TJP1: variants seen among roughly 807,000 people sequenced by gnomAD.
TJP1 encodes tight junction protein ZO-1.
A neutral mutation model predicts 194.2 loss-of-function variants in TJP1; 43 were observed. That is an observed-to-expected ratio of 0.22 (90% CI 0.17 to 0.29). TJP1 has a LOEUF of 0.29. TJP1 is among the 10% of genes least tolerant of loss of function. The pLI is 1.00. For missense variants in TJP1, 1,971 were observed against 2,185.7 expected, an observed-to-expected ratio of 0.90 and a Z score of 1.96; for synonymous variants, 801 against 779.0, an observed-to-expected ratio of 1.03 and a Z score of -0.47.
At chr15:29,945,955 C>A (rs12899678) in intron 2 of TJP1, among the ~76,000 whole-genome samples, 30,285 of 152,086 alleles carry the variant, frequency 0.2, 3,550 homozygotes, top group East Asian at 0.49. Flanking sequence ...CCCTACATCA[C>A]GGTTTCTAAA....
chr15:29,716,130 G>C (rs550866191), intron 23 of TJP1, among the ~76,000 whole-genome samples: 1 of 152,284 alleles, frequency 6.6e-6, no homozygotes, highest in East Asian at 1.9e-4. Context: ...GAAACTTGGG[G>C]TTCAGTCCCA....
chr15:29,939,476 T>G (rs2054994150), intron 2 of TJP1, among the ~76,000 whole-genome samples: 1 of 152,080 alleles, frequency 6.6e-6, no homozygotes, highest in Admixed American at 6.5e-5. Flanking sequence ...TACACCTGAT[T>G]TACCATTAGC....
chr15:29,928,757 C>T (rs1267886257), intron 2 of TJP1, among the ~76,000 whole-genome samples: 1 of 152,110 alleles, frequency 6.6e-6, no homozygotes, highest in Admixed American at 6.5e-5. Flanking sequence ...TCCTGGCTAA[C>T]ACGGTGAAAC....
At chr15:29,704,019 T>C (rs1422588355) in intron 27 of TJP1, 143 bp downstream of exon 27, 5 of 796,704 alleles carry the variant, frequency 6.3e-6, no homozygotes, top group Non-Finnish European at 9.4e-6. Flanking sequence ...CACAAATAAA[T>C]GTGAAAACAC....
At chr15:29,961,334 C>CCTTT (rs1341526883) in intron 1 of TJP1, among the ~76,000 whole-genome samples, 7 of 89,838 alleles carry the variant, frequency 7.8e-5, no homozygotes, top group African/African-American at 2.3e-4. Flanking sequence ...TTTCCTAATT[C>CCTTT]TTTTTTTTTT....
intron 2 of TJP1, among the ~76,000 whole-genome samples, chr15:29,884,547 C>T (rs2053049633): frequency 6.6e-6 from 1 of 152,122 alleles, no homozygotes; most frequent in Non-Finnish European, 1.5e-5. Flanking sequence ...GTAAAAATAC[C>T]ACACTGCTCT....
intron 2 of TJP1, among the ~76,000 whole-genome samples, chr15:29,889,183 G>A (rs1218815289): frequency 1.3e-5 from 2 of 152,136 alleles, no homozygotes; most frequent in Admixed American, 1.3e-4. Context: ...TAATATTCCA[G>A]GGGTCCTGTC....
intron 2 of TJP1, among the ~76,000 whole-genome samples, chr15:29,869,930 C>A (rs555354863): frequency 6.6e-6 from 1 of 151,344 alleles, no homozygotes; most frequent in Admixed American, 6.6e-5. Context: ...CCTCAGCCTC[C>A]CGAGTAGGTG....
intron 1 of TJP1, 91 bp downstream of exon 1, chr15:29,821,911 C>T: frequency 8.9e-7 from 1 of 1,122,168 alleles, no homozygotes; most frequent in Non-Finnish European, 1.1e-6. Context: ...AGACAGCCGC[C>T]AGCGAGGGAG....
At chr15:29,968,739 G>C in exon 1 of TJP1, 1 of 1,231,878 alleles carries the variant, frequency 8.1e-7, no homozygotes, top group Non-Finnish European at 1.0e-6. Flanking sequence ...CTGCAGCACC[G>C]TCAGGTATTT....
At chr15:29,954,948 C>T (rs1347429587) in intron 2 of TJP1, among the ~76,000 whole-genome samples, 2 of 151,796 alleles carry the variant, frequency 1.3e-5, no homozygotes, top group South Asian at 2.1e-4. Context: ...GGCGTGGTGG[C>T]GGGCGCCTGT....
chr15:29,789,044 T>C (rs2047899349), intron 2 of TJP1, among the ~76,000 whole-genome samples: 3 of 152,240 alleles, frequency 2.0e-5, no homozygotes, highest in African/African-American at 7.2e-5. Context: ...CATCAATTTT[T>C]AAACTTATCA....
chr15:29,815,178 C>G (rs1420714406), intron 1 of TJP1, among the ~76,000 whole-genome samples: 1 of 152,164 alleles, frequency 6.6e-6, no homozygotes, highest in African/African-American at 2.4e-5. Flanking sequence ...CAACCTGAAG[C>G]CACTCTTCTC....
chr15:29,730,723 G>A (rs1279607025), intron 15 of TJP1: 29 of 766,092 alleles, frequency 3.8e-5, no homozygotes, highest in Non-Finnish European at 6.5e-5. Flanking sequence ...ATGCCCAAGA[G>A]AAAGGCTGAA....
At chr15:29,934,744 T>A (rs1035948839) in intron 2 of TJP1, among the ~76,000 whole-genome samples, 2 of 152,218 alleles carry the variant, frequency 1.3e-5, no homozygotes, top group Non-Finnish European at 2.9e-5. Flanking sequence ...ACTGAAATAT[T>A]TGGAACTTCT....
At chr15:29,902,798 G>T (rs2053673488) in intron 2 of TJP1, among the ~76,000 whole-genome samples, 1 of 152,160 alleles carries the variant, frequency 6.6e-6, no homozygotes, top group East Asian at 1.9e-4. Flanking sequence ...CACTTTGGGA[G>T]ACCACGGCGG....
Position 29,719,044 on chromosome 15 carries a change from TTGTC to T in TJP1, c.3094_3097del (p.Asp1032LysfsTer5). The T allele has an allele frequency of 6.2e-7, 1 of 1,614,180 alleles. No individual in the cohort carries two copies. Among genetic ancestry groups the T allele is most frequent in the Non-Finnish European group, 8.5e-7 (1 of 1,180,026 alleles). ...GGGTTCATAGGTCAGATTAGGCTCT[TTGTC>T]TGGCCTGTGCCCTGGGTGACTAACG... On this transcript the variant is annotated frameshift_variant, in exon 21 of 28. Transcript: ENST00000614355. LOFTEE classifies it high-confidence loss of function.
In TJP1 at chr15:29,822,361, C is replaced by T; in HGVS notation, c.-333G>A. 2.9e-6 allele frequency: 3 copies of T among 1,041,204 alleles called. No homozygotes were observed. Among genetic ancestry groups the T allele is most frequent in the Non-Finnish European group, 3.5e-6 (3 of 866,010 alleles). 64.5% of individuals were successfully genotyped at this position (1,041,204 alleles called of 1,614,324 possible). On this transcript the variant is annotated 5_prime_UTR_variant, in exon 1 of 28. Transcript: ENST00000614355. ...CCCGTCAGCAGCACCCGTGGCCTCC[C>T]GGCGTCTCCTCGGAAGCCGGCTTCG... is the stretch of plus-strand genomic sequence containing the variant.
chr15:29,949,809 T>C (rs1156412631), intron 2 of TJP1, among the ~76,000 whole-genome samples: 11 of 8,822 alleles, frequency 1.2e-3, no homozygotes, highest in Admixed American at 1.5e-3. Flanking sequence ...ACAACCATCT[T>C]CACCACTGCT....
Sources: gnomAD v4.1 joint callset for allele counts (sites outside exome capture counted in the v4.1 genomes callset) on GRCh38, gnomAD v4.1.1 for gene constraint, MANE v1.5 for transcripts, NCBI Gene and HGNC (gene_info 2026-07-23, HGNC 2026-07-21) for gene names.